Variants in DOCK1 observed in about 807,000 individuals in gnomAD.
DOCK1 encodes the protein dedicator of cytokinesis protein 1.
A neutral mutation model predicts 262.7 loss-of-function variants in DOCK1; 138 were observed. That is an observed-to-expected ratio of 0.53 (90% CI 0.46 to 0.61). The LOEUF (loss-of-function observed/expected upper bound fraction) is 0.61, where lower values mean the gene tolerates loss of function less well. Ranked by LOEUF, DOCK1 falls within the 20% of genes least tolerant of loss-of-function variation. The pLI, the probability that DOCK1 is intolerant of heterozygous loss-of-function variation, is 0.00. For synonymous variants in DOCK1, 866 were observed against 867.4 expected, an observed-to-expected ratio of 1.00 and a Z score of 0.03; for missense variants, 1,908 against 2,370.7, an observed-to-expected ratio of 0.80 and a Z score of 4.05.
At chr10:127,427,649 C>A (rs774846038) in intron 47 of DOCK1, among the ~76,000 whole-genome samples, 18 of 152,178 alleles carry the variant, frequency 1.2e-4, no homozygotes, top group Non-Finnish European at 1.8e-4. Flanking sequence ...GTGCTTTTAG[C>A]CCCTACTCCA....
intron 28 of DOCK1, among the ~76,000 whole-genome samples, chr10:127,253,162 AG>A (rs1418023913): frequency 6.6e-6 from 1 of 152,204 alleles, no homozygotes; most frequent in African/African-American, 2.4e-5. Flanking sequence ...GACCTGCCCA[AG>A]GGGCTGCTGG....
chr10:127,154,364 T>A (rs977144851), intron 27 of DOCK1, among the ~76,000 whole-genome samples: 1 of 152,230 alleles, frequency 6.6e-6, no homozygotes, highest in Non-Finnish European at 1.5e-5. Flanking sequence ...CGCCGGGGCC[T>A]GGTTTTGTCC....
chr10:127,072,615 C>T (rs905434635), intron 23 of DOCK1, among the ~76,000 whole-genome samples: 10 of 152,258 alleles, frequency 6.6e-5, no homozygotes, highest in Admixed American at 3.3e-4. Context: ...GAGGAAAATG[C>T]CAAACCCAGA....
chr10:127,296,221 C>T (rs1023888538), intron 29 of DOCK1, among the ~76,000 whole-genome samples: 8 of 152,210 alleles, frequency 5.3e-5, no homozygotes, highest in African/African-American at 1.2e-4. Context: ...CAGGTCAGCC[C>T]GTTGTTTTTC....
intron 26 of DOCK1, among the ~76,000 whole-genome samples, chr10:127,127,027 CTCTTCCCTGT>C (rs2050006826): frequency 6.6e-6 from 1 of 152,166 alleles, no homozygotes. Flanking sequence ...CCACTTCAGG[CTCTTCCCTGT>C]TTTTATTGGA....
Position 127,248,030 on chromosome 10 carries a change from C to T in DOCK1, c.2870C>T (p.Thr957Ile). The change falls in exon 28 of 52, where the codon ACA becomes ATA. Residue 957 changes from threonine (T) to isoleucine (I), a missense_variant. Around this residue, in one of 9 missense-constraint regions of DOCK1, gnomAD observed 518 missense variants for 575.1 expected, o/e 0.90. Coordinates refer to ENST00000623213, the MANE Select transcript of DOCK1 (RefSeq NM_001290223.2). ...ELIGNFVACM[T>I]AILRQMEDYH... ...CAGGGAAACTTCGTGGCTTGCATGACAGCTATTTTACGACAAATGGAAGAT... is the reference window on the plus strand; with the variant it reads ...CAGGGAAACTTCGTGGCTTGCATGATAGCTATTTTACGACAAATGGAAGAT... The T allele has an allele frequency of 6.2e-7, 1 of 1,613,888 alleles. No homozygotes were observed. Among genetic ancestry groups the T allele is most frequent in the African/African-American group, 1.3e-5 (1 of 75,030 alleles).
At chr10:127,189,033 C>T (rs2056528368) in intron 27 of DOCK1, among the ~76,000 whole-genome samples, 1 of 152,114 alleles carries the variant, frequency 6.6e-6, no homozygotes, top group African/African-American at 2.4e-5. Flanking sequence ...AGGAAGCGCT[C>T]AGTACACAGC....
chr10:127,307,318 A>G (rs1236192686), intron 29 of DOCK1, among the ~76,000 whole-genome samples: 2 of 152,062 alleles, frequency 1.3e-5, no homozygotes, highest in African/African-American at 4.8e-5. Flanking sequence ...ATGTTTCGAC[A>G]TTTTACCTTT....
At chr10:127,442,849 A>G (rs11018093) in intron 49 of DOCK1, among the ~76,000 whole-genome samples, 49,103 of 152,004 alleles carry the variant, frequency 0.32, 8,304 homozygotes, top group East Asian at 0.44. Context: ...GGCTATCTGC[A>G]TGTCTTGCAA....
intron 23 of DOCK1, among the ~76,000 whole-genome samples, chr10:127,093,206 C>CTTTCTTTCTTTCTTTCTTTG (rs1554883895): frequency 2.5e-5 from 3 of 119,982 alleles, no homozygotes; most frequent in African/African-American, 3.9e-5. Flanking sequence ...CTTTTTCTTT[C>CTTTCTTTCTTTCTTTCTTTG]TTTCTTTCTT....
At chr10:127,371,531 C>T (rs748115570) in intron 33 of DOCK1, among the ~76,000 whole-genome samples, 11 of 152,208 alleles carry the variant, frequency 7.2e-5, no homozygotes, top group Non-Finnish European at 1.6e-4. Context: ...ATCCCTTTGG[C>T]TTGACCATTG....
chr10:127,372,685 G>A (rs931928837), intron 33 of DOCK1, among the ~76,000 whole-genome samples: 6 of 152,144 alleles, frequency 3.9e-5, no homozygotes, highest in African/African-American at 1.2e-4. Context: ...AACAGCAGGC[G>A]GCTTGAGAAT....
intron 1 of DOCK1, among the ~76,000 whole-genome samples, chr10:126,921,013 A>G (rs1170699397): frequency 1.3e-5 from 2 of 152,146 alleles, no homozygotes; most frequent in East Asian, 3.9e-4. Flanking sequence ...CCTGGGCAAC[A>G]TGGTGAAACC....
rs79967812 is a variant in DOCK1 at position 126,992,488 on chromosome 10, C to T, written c.473+1885C>T. Among the ~76,000 whole-genome samples the T allele has an allele frequency of 9.4e-3, 1,438 of 152,204 alleles. 22 individuals carry two copies. Among genetic ancestry groups the T allele is most frequent in the African/African-American group, 0.031 (1,288 of 41,524 alleles). On this transcript the variant is annotated intron_variant, in intron 6 of 51. Coordinates refer to ENST00000623213, the MANE Select transcript of DOCK1 (RefSeq NM_001290223.2). The stretch of plus-strand genomic sequence containing the variant: ...TCTTCCTAGTTCTTCCTTCAGAAAA[C>T]CTAAATGATGCAAAATGATACCACA...
At chr10:127,088,920 G>T (rs932051053) in intron 23 of DOCK1, among the ~76,000 whole-genome samples, 1 of 152,024 alleles carries the variant, frequency 6.6e-6, no homozygotes, top group Non-Finnish European at 1.5e-5. Context: ...CGGCCCCACC[G>T]CTGCAGAGAA....
At chr10:126,973,233 GT>G (rs11354019) in intron 2 of DOCK1, among the ~76,000 whole-genome samples, 74,051 of 144,080 alleles carry the variant, frequency 0.51, 19,098 homozygotes, top group South Asian at 0.62. Flanking sequence ...TGTGGTGGTG[GT>G]TTTTTTTTTT....
intron 26 of DOCK1, 61 bp downstream of exon 26, chr10:127,125,662 A>T: frequency 6.3e-7 from 1 of 1,581,352 alleles, no homozygotes; most frequent in South Asian, 1.2e-5. Context: ...TTTGCCTTGC[A>T]GTACAACTTT....
At chr10:127,397,316 G>T (rs1275068376) in intron 38 of DOCK1, among the ~76,000 whole-genome samples, 3 of 150,898 alleles carry the variant, frequency 2.0e-5, no homozygotes, top group African/African-American at 7.3e-5. Flanking sequence ...ACTCCTATGT[G>T]ATCTGAGCAT....
chr10:127,236,513 T>TG (rs2059066481), intron 27 of DOCK1, among the ~76,000 whole-genome samples: 1 of 140,868 alleles, frequency 7.1e-6, no homozygotes, highest in Non-Finnish European at 1.5e-5. Flanking sequence ...TTTTTTTTTT[T>TG]TTTTTTTTTT....
Sources: allele counts gnomAD v4.1 joint callset (sites outside exome capture counted in the v4.1 genomes callset), GRCh38; gene constraint gnomAD v4.1.1; regional missense constraint gnomAD v4.1.1; transcripts MANE v1.5; gene names NCBI Gene and HGNC (gene_info 2026-07-23, HGNC 2026-07-21).